Variants in NCOA7 observed in about 807,000 individuals in gnomAD.
NCOA7 encodes nuclear receptor coactivator 7.
Under a neutral mutation model 104.3 loss-of-function variants are expected in NCOA7, and 45 were observed. The ratio of observed to expected loss-of-function variants is 0.43; its 90% CI spans 0.34 to 0.55. The LOEUF (loss-of-function observed/expected upper bound fraction) is 0.55. NCOA7 is among the 20% of genes least tolerant of loss of function. The pLI, the probability that NCOA7 is intolerant of heterozygous loss-of-function variation, is 0.02. For missense variants in NCOA7, 1,041 were observed against 1,119.7 expected (o/e 0.93, Z 1.00); for synonymous variants, 398 against 402.3 (o/e 0.99, Z 0.13).
rs561557817 is a variant in NCOA7, at chr6:125,908,983, A to G, written c.2097-6350A>G. On this transcript the variant is annotated intron_variant, in intron 10 of 15. Transcript: ENST00000392477. ...TGCACAAGAATATTTGATTGCATGA[A>G]CTCAGCATTCTCAGAACATTTCCTT... Among the ~76,000 whole-genome samples, 150 of 152,314 alleles carry G rather than the reference A, an allele frequency of 9.8e-4. 1 individual carries two copies. Among genetic ancestry groups the G allele is most frequent in the African/African-American group, 3.5e-3 (146 of 41,580 alleles).
intron 10 of NCOA7, among the ~76,000 whole-genome samples, chr6:125,903,401 C>T (rs142633401): frequency 6.6e-6 from 1 of 152,258 alleles, no homozygotes; most frequent in Admixed American, 6.5e-5. Context: ...CCTGTCTCTT[C>T]CTGGCCTTCC....
Position 125,930,837 on chromosome 6 carries a change from A to G in NCOA7, c.*2066A>G, listed in dbSNP as rs894604277. The G allele has an allele frequency of 5.9e-5, 9 of 152,534 alleles. No individual in the cohort carries two copies. Among genetic ancestry groups the G allele is most frequent in the Non-Finnish European group, 1.3e-4 (9 of 68,036 alleles). The allele number at this position is 152,534 out of a possible 1,614,324, so 9.4% of individuals were successfully genotyped here. ...AATGTGTTGGTGTGAGATATCAGGA[A>G]TGTCTCATGATATCACGTTTACCAT... On this transcript the variant is annotated 3_prime_UTR_variant, in exon 16 of 16. Transcript: ENST00000392477.
intron 1 of NCOA7, among the ~76,000 whole-genome samples, chr6:125,798,342 T>C (rs2128550472): frequency 6.6e-6 from 1 of 152,366 alleles, no homozygotes; most frequent in South Asian, 2.1e-4. Context: ...CTCCACACTT[T>C]GAGTTTTCTC....
intron 13 of NCOA7, among the ~76,000 whole-genome samples, chr6:125,926,988 T>A (rs550626747): frequency 2.6e-5 from 4 of 152,128 alleles, no homozygotes; most frequent in Non-Finnish European, 5.9e-5. Flanking sequence ...CATCCCCCGA[T>A]AAGAAAAAGT....
chr6:125,912,317 A>G (rs1431876183), intron 10 of NCOA7, among the ~76,000 whole-genome samples: 4 of 152,144 alleles, frequency 2.6e-5, no homozygotes, highest in East Asian at 1.9e-4. Flanking sequence ...TGGCTTCCTA[A>G]TGATTGATAG....
chr6:125,855,810 A>G (rs1274771148), intron 3 of NCOA7, among the ~76,000 whole-genome samples: 1 of 151,958 alleles, frequency 6.6e-6, no homozygotes, highest in East Asian at 1.9e-4. Flanking sequence ...CAGCCTCCCA[A>G]GTAGCTGGGA....
rs1011172497 is a variant in NCOA7 at position 125,833,066 on chromosome 6, C to G, written c.50+17662C>G. Among the ~76,000 whole-genome samples, 3 of 152,186 alleles carry G rather than the reference C, an allele frequency of 2.0e-5. No homozygotes were observed. The South Asian group carries it at 6.2e-4, about 31-fold the overall frequency. Reference sequence around the variant, plus strand: ...AGAAATCATGCTTAATGAAACATATCTTCAAAATAAAACTTCTGCTCCAGT... The same window carrying G: ...AGAAATCATGCTTAATGAAACATATGTTCAAAATAAAACTTCTGCTCCAGT... On this transcript the variant is annotated intron_variant, in intron 2 of 15. Transcript: ENST00000392477.
chr6:125,817,987 C>T (rs1777748621), intron 2 of NCOA7, among the ~76,000 whole-genome samples: 1 of 151,812 alleles, frequency 6.6e-6, no homozygotes, highest in Admixed American at 6.6e-5. Context: ...CCCCGTCTCC[C>T]TTCCTCACCT....
At chr6:125,844,002 T>C (rs1367793518) in intron 2 of NCOA7, among the ~76,000 whole-genome samples, 1 of 152,242 alleles carries the variant, frequency 6.6e-6, no homozygotes, top group Non-Finnish European at 1.5e-5. Context: ...ACCCCAAGGC[T>C]TCTCTGAGAG....
chr6:125,808,354 T>G (rs1434010046), intron 1 of NCOA7, among the ~76,000 whole-genome samples: 1 of 152,250 alleles, frequency 6.6e-6, no homozygotes, highest in Non-Finnish European at 1.5e-5. Context: ...GTGTGGTTCC[T>G]TGTGACCACT....
At chr6:125,782,967 G>A (rs1774293450) in intron 1 of NCOA7, among the ~76,000 whole-genome samples, 1 of 152,162 alleles carries the variant, frequency 6.6e-6, no homozygotes. Flanking sequence ...GGGGGCAGAG[G>A]AGTCAGGTCA....
intron 1 of NCOA7, among the ~76,000 whole-genome samples, chr6:125,805,458 T>A (rs1326370178): frequency 1.3e-5 from 2 of 152,212 alleles, no homozygotes; most frequent in African/African-American, 4.8e-5. Flanking sequence ...GTGAAAATTA[T>A]GTGTAGTAAT....
Position 125,885,299 on chromosome 6 carries a change from C to T in NCOA7, c.840C>T (p.Leu280=). The stretch of plus-strand genomic sequence containing the variant: ...TGGAAGAGGTTGTTTCCATTGCGCT[C>T]TACAATGACATTTCTCACATGAAGA... ...CPMEEVVSIA[L]YNDISHMKIK... is the part of the protein sequence containing the mutation. The change falls in exon 8 of 16, where the codon CTC becomes CTT. Residue 280 remains leucine (L), a synonymous_variant. Coordinates refer to ENST00000392477, the MANE Select transcript of NCOA7 (RefSeq NM_181782.5). 1 of 1,613,878 alleles carries T rather than the reference C, an allele frequency of 6.2e-7. No individual in the cohort carries two copies. Among genetic ancestry groups the T allele is most frequent in the Non-Finnish European group, 8.5e-7 (1 of 1,179,880 alleles).
At chr6:125,881,248 C>CT in intron 6 of NCOA7, 45 bp downstream of exon 6, 1 of 1,308,534 alleles carries the variant, frequency 7.6e-7, no homozygotes, top group South Asian at 1.2e-5. Context: ...AAAGAGACTT[C>CT]TTTTAAGTTG....
chr6:125,889,526 A>T lies in NCOA7; in HGVS notation c.1472A>T (p.Asp491Val), dbSNP rs1352088280. The change falls in exon 9 of 16, where the codon GAT (aspartate) becomes GTT (valine). Residue 491 changes from aspartate to valine, a missense_variant. Asp to Val is a radical substitution (Grantham distance 152). This residue lies in a region of NCOA7 where 914 missense variants were observed against 942.7 expected (regional missense o/e 0.97). Transcript: ENST00000392477. ...GATTTAGAAACCTGTGAGAAGCAAGATATAATGCCAGAAGTGGACAAGCAG... is the reference window on the plus strand; with the variant it reads ...GATTTAGAAACCTGTGAGAAGCAAGTTATAATGCCAGAAGTGGACAAGCAG... ...ALDLETCEKQDIMPEVDKQSG... is the reference protein window; with the variant it reads ...ALDLETCEKQVIMPEVDKQSG... 1 of 1,614,148 alleles carries T rather than the reference A, an allele frequency of 6.2e-7. No individual in the cohort carries two copies. Among genetic ancestry groups the T allele is most frequent in the Admixed American group, 1.7e-5 (1 of 60,018 alleles).
At chr6:125,910,713 C>T (rs1786462333) in intron 10 of NCOA7, among the ~76,000 whole-genome samples, 1 of 152,192 alleles carries the variant, frequency 6.6e-6, no homozygotes, top group Non-Finnish European at 1.5e-5. Flanking sequence ...TGAGAATGTC[C>T]TGTGGCTTCG....
intron 10 of NCOA7, among the ~76,000 whole-genome samples, chr6:125,902,823 A>C (rs758644149): frequency 6.6e-6 from 1 of 152,222 alleles, no homozygotes; most frequent in Non-Finnish European, 1.5e-5. Context: ...CTAAAATGCT[A>C]TGTGACCTTG....
intron 2 of NCOA7, among the ~76,000 whole-genome samples, chr6:125,846,803 G>T (rs999341896): frequency 1.5e-4 from 23 of 152,178 alleles, no homozygotes; most frequent in African/African-American, 5.5e-4. Context: ...TTGGGAAATG[G>T]CCCTAGTTTT....
intron 11 of NCOA7, among the ~76,000 whole-genome samples, chr6:125,918,973 ACT>A (rs1015553860): frequency 5.3e-5 from 8 of 152,194 alleles, no homozygotes; most frequent in African/African-American, 1.9e-4. Flanking sequence ...AAGAAAAAAA[ACT>A]CTGAAAAGGC....
Sources: allele counts gnomAD v4.1 joint callset (sites outside exome capture counted in the v4.1 genomes callset), GRCh38; gene constraint gnomAD v4.1.1; regional missense constraint gnomAD v4.1.1; transcripts MANE v1.5; gene names NCBI Gene and HGNC (gene_info 2026-07-23, HGNC 2026-07-21).